OVCH1: variants seen among roughly 807,000 people sequenced by gnomAD.
OVCH1 encodes the protein ovochymase-1.
Under a neutral mutation model 138.4 loss-of-function variants are expected in OVCH1, and 139 were observed. That is an observed-to-expected ratio of 1.00 (90% confidence interval 0.87 to 1.16). OVCH1 has a LOEUF of 1.16. OVCH1 is among the 50% of genes most tolerant of loss of function. OVCH1 has a pLI of 0.00. For synonymous variants in OVCH1, 453 were observed against 467.8 expected (o/e 0.97, Z 0.41); for missense variants, 1,367 against 1,357.9 (o/e 1.01, Z -0.11).
chr12:29,446,073 A>G (rs1218093290), intron 22 of OVCH1, among the ~76,000 whole-genome samples: 1 of 151,984 alleles, frequency 6.6e-6, no homozygotes, highest in African/African-American at 2.4e-5. Flanking sequence ...CTCCTTTCCC[A>G]TTTCATTTTT....
intron 22 of OVCH1, among the ~76,000 whole-genome samples, chr12:29,449,405 G>T (rs531772372): frequency 6.6e-6 from 1 of 151,788 alleles, no homozygotes; most frequent in Admixed American, 6.6e-5. Context: ...GAAGAAAGCC[G>T]ATGGTAGCTT....
At chr12:29,457,899 G>C (rs777880567) in intron 19 of OVCH1, among the ~76,000 whole-genome samples, 1 of 152,106 alleles carries the variant, frequency 6.6e-6, no homozygotes, top group Non-Finnish European at 1.5e-5. Flanking sequence ...TAACATTTGA[G>C]CTGATGCATA....
chr12:29,411,627 G>T (rs889884263), downstream of OVCH1, among the ~76,000 whole-genome samples: 4 of 152,126 alleles, frequency 2.6e-5, no homozygotes, highest in African/African-American at 9.7e-5. Flanking sequence ...GGTTTTTCGT[G>T]AACCGTAAAT....
downstream of OVCH1, among the ~76,000 whole-genome samples, chr12:29,410,292 G>A (rs1161935869): frequency 6.7e-6 from 1 of 149,616 alleles, no homozygotes; most frequent in Non-Finnish European, 1.5e-5. Context: ...TTTAATTGGA[G>A]CATTTAGTCC....
intron 25 of OVCH1, chr12:29,439,532 C>G (rs1941434092): frequency 1.5e-6 from 2 of 1,330,398 alleles, no homozygotes; most frequent in Admixed American, 3.5e-5. Context: ...GGAAAAATCT[C>G]TATCTCTACT....
At chr12:29,440,409 A>G in intron 25 of OVCH1, 2 of 176,902 alleles carry the variant, frequency 1.1e-5, no homozygotes, top group South Asian at 2.4e-4. Context: ...TGTTTTTCCA[A>G]TCTTTGTGTG....
At chr12:29,412,562 G>A (rs1940974421) in intron 4 of OVCH1, 1 of 152,272 alleles carries the variant, frequency 6.6e-6, no homozygotes, top group Middle Eastern at 3.4e-3. Flanking sequence ...TGAACAAACA[G>A]AGTACACTTA....
At chr12:29,477,192 C>A (rs1180389345) in exon 12 of OVCH1, 1 of 1,613,746 alleles carries the variant, frequency 6.2e-7, no homozygotes, top group South Asian at 1.1e-5. Context: ...AGTGATTTGT[C>A]CCTTCTTCTA....
chr12:29,462,358 A>G (rs1942166982), intron 18 of OVCH1, among the ~76,000 whole-genome samples: 1 of 151,636 alleles, frequency 6.6e-6, no homozygotes, highest in Non-Finnish European at 1.5e-5. Flanking sequence ...TATAACTTAT[A>G]CAATTATAAA....
At chr12:29,442,455 C>G (rs1485398438) in intron 25 of OVCH1, among the ~76,000 whole-genome samples, 5 of 117,304 alleles carry the variant, frequency 4.3e-5, no homozygotes, top group Non-Finnish European at 8.2e-5. Context: ...GGGAACATCA[C>G]ACTCTGTGGA....
At chr12:29,413,024 C>CTTTTTTTTTTTTTTTTTTTTTTTT (rs35540929) in intron 3 of OVCH1, among the ~76,000 whole-genome samples, 1 of 140,926 alleles carries the variant, frequency 7.1e-6, no homozygotes, top group Non-Finnish European at 1.6e-5. Flanking sequence ...CCAGCTAATT[C>CTTTTTTTTTTTTTTTTTTTTTTTT]TTTTTTTTTT....
chr12:29,463,263 A>G (rs558722560), intron 18 of OVCH1, among the ~76,000 whole-genome samples: 1 of 152,286 alleles, frequency 6.6e-6, no homozygotes, highest in East Asian at 1.9e-4. Flanking sequence ...GCGGAATGTG[A>G]TGGGAGGCCC....
chr12:29,463,413 G>T (rs1015211971), intron 18 of OVCH1, among the ~76,000 whole-genome samples: 4 of 152,124 alleles, frequency 2.6e-5, no homozygotes, highest in Non-Finnish European at 5.9e-5. Flanking sequence ...AGAAAGCAGA[G>T]CAAGCTTGGT....
At chr12:29,413,521 T>G (rs1225296363) in intron 3 of OVCH1, among the ~76,000 whole-genome samples, 1 of 152,172 alleles carries the variant, frequency 6.6e-6, no homozygotes, top group Non-Finnish European at 1.5e-5. Context: ...CTAATACATA[T>G]TTTTATATTT....
At chr12:29,453,694 A>G (rs1453460998) in intron 21 of OVCH1, among the ~76,000 whole-genome samples, 1 of 152,040 alleles carries the variant, frequency 6.6e-6, no homozygotes, top group Non-Finnish European at 1.5e-5. Context: ...CCAATGATCC[A>G]TCATTTTAAC....
chr12:29,477,001 T>G (rs958714327), intron 12 of OVCH1, 101 bp downstream of exon 12: 129 of 1,327,952 alleles, frequency 9.7e-5, no homozygotes, highest in Admixed American at 1.3e-4. Context: ...TAAAAGAAGC[T>G]CCTAGTCATA....
intron 12 of OVCH1, 148 bp from the exon 13 acceptor site, chr12:29,476,447 G>T: frequency 1.5e-6 from 1 of 676,382 alleles, no homozygotes; most frequent in Non-Finnish European, 2.6e-6. Context: ...TCTTTGAAGG[G>T]CAATTTGGCA....
chr12:29,444,369 T>G, intron 23 of OVCH1, 89 bp from the exon 24 acceptor site: 3 of 1,317,134 alleles, frequency 2.3e-6, no homozygotes, highest in Non-Finnish European at 3.1e-6. Context: ...TAAACAGCTC[T>G]CTTCCCTAAT....
chr12:29,486,684 T>C (rs897844725), intron 7 of OVCH1, among the ~76,000 whole-genome samples: 2 of 152,118 alleles, frequency 1.3e-5, no homozygotes, highest in Non-Finnish European at 2.9e-5. Context: ...GAAGATGAAC[T>C]AGAAAAAATA....
Sources: gnomAD v4.1 joint callset for allele counts (sites outside exome capture counted in the v4.1 genomes callset) on GRCh38, gnomAD v4.1.1 for gene constraint, MANE v1.5 for transcripts, NCBI Gene and HGNC (gene_info 2026-07-23, HGNC 2026-07-21) for gene names.